Variants in NSD3 observed in about 807,000 individuals in gnomAD.
The protein encoded by NSD3 is nuclear receptor binding SET domain protein 3.
A neutral mutation model predicts 160.8 loss-of-function variants in NSD3; 24 were observed. The observed-to-expected ratio is 0.15, with a 90% confidence interval of 0.11 to 0.21. The LOEUF is 0.21. Among genes scored for constraint, NSD3 ranks in the 10% least tolerant of loss-of-function variants. The pLI is 1.00. For missense variants in NSD3, 1,157 were observed against 1,735.9 expected (o/e 0.67, Z 5.93); for synonymous variants, 520 against 600.0 (o/e 0.87, Z 1.95).
chr8:38,289,373 G>C lies in NSD3; in HGVS notation c.3231+20C>G. 2 of 1,589,300 alleles carry C rather than the reference G, an allele frequency of 1.3e-6. No individual in the cohort carries two copies. The highest frequency in any genetic ancestry group is 1.7e-6 in the Non-Finnish European group (2 of 1,166,478). ...TTTCTTATTTTATTTGGCAATCCCA[G>C]GCCAGAGATAAAGACTTACTTTGAT... On this transcript the variant is annotated intron_variant, in intron 18 of 23. Coordinates refer to ENST00000317025, the MANE Select transcript of NSD3 (RefSeq NM_023034.2).
chr8:38,324,276 T>C (rs887478647), intron 7 of NSD3, among the ~76,000 whole-genome samples: 1 of 152,220 alleles, frequency 6.6e-6, no homozygotes, highest in African/African-American at 2.4e-5. Context: ...CAATTCCATA[T>C]TGAAAAAGGC....
chr8:38,281,805 C>T (rs1049771485), intron 19 of NSD3, among the ~76,000 whole-genome samples: 2 of 152,190 alleles, frequency 1.3e-5, no homozygotes, highest in African/African-American at 2.4e-5. Flanking sequence ...GCTGACAATA[C>T]TATTTTTATA....
chr8:38,315,659 C>T, intron 10 of NSD3, 115 bp from the exon 11 acceptor site: 1 of 1,405,914 alleles, frequency 7.1e-7, no homozygotes, highest in Non-Finnish European at 9.6e-7. Flanking sequence ...ACACAACCAC[C>T]TTTTTCCTTC....
chr8:38,275,496 T>G lies in NSD3; in HGVS notation c.*145A>C. 1.4e-6 allele frequency: 1 copy of G among 726,128 alleles called. No individual in the cohort carries two copies. The highest frequency in any genetic ancestry group is 2.2e-6 in the Non-Finnish European group (1 of 450,746). The allele number at this position is 726,128 out of a possible 1,614,324, so 45.0% of individuals were successfully genotyped here. A position where few individuals can be genotyped will look rare whatever the true frequency, so the allele number is the denominator to read the frequency against. ...AAAACCAGACACCACCAACTGCTTC[T>G]GCCTGCATGAACTGGTTTCCCATTT... On this transcript the variant is annotated 3_prime_UTR_variant, in exon 24 of 24. Coordinates refer to ENST00000317025, the MANE Select transcript of NSD3 (RefSeq NM_023034.2).
At chr8:38,359,006 A>G (rs998350010) in intron 1 of NSD3, among the ~76,000 whole-genome samples, 2 of 152,182 alleles carry the variant, frequency 1.3e-5, no homozygotes, top group Admixed American at 6.5e-5. Context: ...AAAATGCGTA[A>G]CTATAGAAGA....
intron 1 of NSD3, among the ~76,000 whole-genome samples, chr8:38,357,865 A>G (rs1810863105): frequency 6.6e-6 from 1 of 152,182 alleles, no homozygotes; most frequent in Admixed American, 6.5e-5. Flanking sequence ...AGGTAGTAAC[A>G]GAATATAAAA....
Position 38,304,503 on chromosome 8 carries a change from C to A in NSD3, c.2611+84G>T, listed in dbSNP as rs112949998. 12 of 1,416,044 alleles carry A rather than the reference C, an allele frequency of 8.5e-6. No individual in the cohort carries two copies. The South Asian group carries it at 1.7e-4, about 20-fold the overall frequency. 87.7% of individuals were successfully genotyped at this position (1,416,044 alleles called of 1,614,324 possible). A position where few individuals can be genotyped will look rare whatever the true frequency, so the allele number is the denominator to read the frequency against. ...GAGATTCTACTAGATGGCCTGAGTT[C>A]TTTCCCAATGCTGAGACTCTATGTT... On this transcript the variant is annotated intron_variant, in intron 14 of 23. Coordinates refer to ENST00000317025, the MANE Select transcript of NSD3 (RefSeq NM_023034.2).
chr8:38,343,869 T>C (rs1325329373), intron 2 of NSD3, among the ~76,000 whole-genome samples: 2 of 152,146 alleles, frequency 1.3e-5, no homozygotes, highest in Non-Finnish European at 2.9e-5. Flanking sequence ...TATAAGGGGA[T>C]ATGGCAAACT....
At chr8:38,370,239 C>A (rs1263466289) in intron 1 of NSD3, among the ~76,000 whole-genome samples, 4 of 152,164 alleles carry the variant, frequency 2.6e-5, no homozygotes, top group African/African-American at 9.7e-5. Context: ...AAGTTTGCTA[C>A]AGTTAACTGT....
rs770467211 is a variant in NSD3 at position 38,321,041 on chromosome 8, T to A, written c.1809+31A>T. ...TAAGCCACAACATTTACAAATACAA[T>A]GTTTTAACTCTCTACATGTAGGAAG... On this transcript the variant is annotated intron_variant, in intron 8 of 23. Transcript: ENST00000317025. The surrounding 1 kb of genome is among the most constrained non-coding windows in gnomAD (Gnocchi z 4.7). 8 of 1,576,048 alleles carry A rather than the reference T, an allele frequency of 5.1e-6. No individual in the cohort carries two copies. Among genetic ancestry groups the A allele is most frequent in the Non-Finnish European group, 7.0e-6 (8 of 1,148,736 alleles).
chr8:38,308,613 G>A (rs779089557), intron 12 of NSD3, among the ~76,000 whole-genome samples: 2 of 152,020 alleles, frequency 1.3e-5, no homozygotes, highest in African/African-American at 2.4e-5. Flanking sequence ...GAGCACAGGA[G>A]TTCAAGACCA....
At chr8:38,309,624 G>A (rs1038034822) in intron 12 of NSD3, among the ~76,000 whole-genome samples, 11 of 152,142 alleles carry the variant, frequency 7.2e-5, no homozygotes, top group African/African-American at 2.7e-4. Flanking sequence ...CTGCACTTCA[G>A]CCTGGGCAAT....
chr8:38,322,401 A>C (rs1809812613), intron 7 of NSD3, among the ~76,000 whole-genome samples: 1 of 152,200 alleles, frequency 6.6e-6, no homozygotes, highest in African/African-American at 2.4e-5. Context: ...AAGACAGCAG[A>C]TATGCTACCC....
chr8:38,352,896 G>T (rs937489538), intron 1 of NSD3, among the ~76,000 whole-genome samples: 2 of 152,160 alleles, frequency 1.3e-5, no homozygotes, highest in Non-Finnish European at 2.9e-5. Context: ...TCTGGGAAAA[G>T]AATTCTTTTG....
intron 2 of NSD3, among the ~76,000 whole-genome samples, chr8:38,339,235 G>C (rs1253316931): frequency 6.6e-6 from 1 of 151,778 alleles, no homozygotes; most frequent in East Asian, 1.9e-4. Flanking sequence ...GGCACTCTAA[G>C]ATTACTAGTA....
intron 12 of NSD3, 122 bp downstream of exon 12, chr8:38,314,525 G>A: frequency 7.2e-7 from 1 of 1,394,030 alleles, no homozygotes; most frequent in South Asian, 1.5e-5. Context: ...AATACCTTTG[G>A]GAAGAGAGGA....
At chr8:38,322,974 T>C (rs1809824351) in intron 7 of NSD3, among the ~76,000 whole-genome samples, 1 of 152,232 alleles carries the variant, frequency 6.6e-6, no homozygotes, top group Non-Finnish European at 1.5e-5. Flanking sequence ...AAGGTATGCT[T>C]ATCAACCACA....
intron 1 of NSD3, among the ~76,000 whole-genome samples, chr8:38,352,438 C>T (rs918673354): frequency 4.6e-5 from 7 of 152,164 alleles, no homozygotes; most frequent in Non-Finnish European, 1.0e-4. Flanking sequence ...CACATCAGCT[C>T]ATTTAATAAT....
chr8:38,319,701 T>C lies in NSD3; in HGVS notation c.1810-761A>G, dbSNP rs1358966854. The stretch of plus-strand genomic sequence containing the variant: ...AATTGAATTTCATGTTTCTTTAAGA[T>C]GTGGTGAAATATGAATGTTGAAACA... On this transcript the variant is annotated intron_variant, in intron 8 of 23. Coordinates refer to ENST00000317025, the MANE Select transcript of NSD3 (RefSeq NM_023034.2). This position sits in a 1 kb window ranked among gnomAD's most constrained non-coding sequence, Gnocchi z 4.1. 6.6e-6 allele frequency: 1 copy of C among 152,208 alleles called. No individual in the cohort carries two copies. Among genetic ancestry groups the C allele is most frequent in the Non-Finnish European group, 1.5e-5 (1 of 68,038 alleles). The allele number at this position is 152,208 out of a possible 1,614,324, so 9.4% of individuals were successfully genotyped here. A position where few individuals can be genotyped will look rare whatever the true frequency, so the allele number is the denominator to read the frequency against.
Sources: gnomAD v4.1 joint callset for allele counts (sites outside exome capture counted in the v4.1 genomes callset) on GRCh38, gnomAD v4.1.1 for gene constraint, Gnocchi (gnomAD v3.1) non-coding constraint, MANE v1.5 for transcripts, NCBI Gene and HGNC (gene_info 2026-07-23, HGNC 2026-07-21) for gene names.